Variants in SYT14 observed in about 807,000 individuals in gnomAD.
SYT14 encodes synaptotagmin 14.
In SYT14, 32 loss-of-function variants were observed where a neutral mutation model predicts 74.2. That is an observed-to-expected ratio of 0.43 (90% confidence interval 0.33 to 0.58). The LOEUF (loss-of-function observed/expected upper bound fraction) is 0.58, where lower values mean the gene tolerates loss of function less well. SYT14 is among the 20% of genes least tolerant of loss of function. The pLI is 0.05. For synonymous variants in SYT14, 298 were observed against 337.7 expected, an observed-to-expected ratio of 0.88 and a Z score of 1.29; for missense variants, 791 against 981.8, an observed-to-expected ratio of 0.81 and a Z score of 2.60.
At chr1:210,146,286 T>A (rs941408592) in intron 7 of SYT14, among the ~76,000 whole-genome samples, 1 of 152,030 alleles carries the variant, frequency 6.6e-6, no homozygotes, top group Non-Finnish European at 1.5e-5. Flanking sequence ...TGCAGTGAGA[T>A]CACGCCACTG....
At chr1:210,100,282 A>C in exon 7 of SYT14, 1 of 1,614,152 alleles carries the variant, frequency 6.2e-7, no homozygotes, top group African/African-American at 1.3e-5. Flanking sequence ...AGAAACATTT[A>C]AATTTAATCA....
intron 4 of SYT14, 116 bp from the exon 4 acceptor site, chr1:210,020,923 C>G: frequency 1.2e-6 from 1 of 819,564 alleles, no homozygotes; most frequent in African/African-American, 1.7e-5. Context: ...ATAACTTCAG[C>G]AAATTTTCTA....
In SYT14 at chr1:210,056,914, G is replaced by A. The variant is rs567127608; in HGVS notation, c.1312+35660G>A. On this transcript the variant is annotated intron_variant, in intron 5 of 9. Transcript: ENST00000637265. Reference sequence around the variant, plus strand: ...GCTGGAGTGTAGTAGCTGCAGTCTCGTCTCACTGCAACCTCCACCTCCCAG... The same window carrying A: ...GCTGGAGTGTAGTAGCTGCAGTCTCATCTCACTGCAACCTCCACCTCCCAG... Among the ~76,000 whole-genome samples the A allele has an allele frequency of 1.4e-3, 215 of 151,850 alleles. 1 individual carries two copies. The highest frequency in any genetic ancestry group is 4.8e-3 in the African/African-American group (198 of 41,406).
intron 7 of SYT14, among the ~76,000 whole-genome samples, chr1:210,139,537 G>A (rs1176008246): frequency 6.6e-6 from 1 of 151,878 alleles, no homozygotes; most frequent in African/African-American, 2.4e-5. Flanking sequence ...CTTTTATAGT[G>A]TAAAAGTCAT....
intron 7 of SYT14, among the ~76,000 whole-genome samples, chr1:210,108,004 A>G (rs1451769465): frequency 1.3e-5 from 2 of 152,220 alleles, no homozygotes; most frequent in Admixed American, 6.5e-5. Context: ...GAATAAGTAA[A>G]TAAGTTCCTT....
chr1:210,046,999 A>G (rs1307669026), intron 5 of SYT14, among the ~76,000 whole-genome samples: 1 of 152,172 alleles, frequency 6.6e-6, no homozygotes, highest in African/African-American at 2.4e-5. Flanking sequence ...GGACCCAGAA[A>G]TCAAACCAGT....
chr1:210,160,288 T>C (rs2083347049), intron 9 of SYT14, among the ~76,000 whole-genome samples: 1 of 152,154 alleles, frequency 6.6e-6, no homozygotes, highest in African/African-American at 2.4e-5. Flanking sequence ...TGTTTGTTTA[T>C]TCTTATTCTC....
intron 5 of SYT14, among the ~76,000 whole-genome samples, chr1:210,078,691 T>C (rs1303865161): frequency 2.6e-5 from 4 of 151,906 alleles, no homozygotes; most frequent in South Asian, 4.1e-4. Flanking sequence ...TCTAGAAATA[T>C]CAAGCATGTT....
chr1:210,144,577 A>G (rs2082991098), intron 7 of SYT14, among the ~76,000 whole-genome samples: 1 of 152,034 alleles, frequency 6.6e-6, no homozygotes, highest in South Asian at 2.1e-4. Flanking sequence ...TTAAAATTAT[A>G]TTTTTAAAAT....
chr1:210,143,834 T>C (rs2102679436), intron 7 of SYT14, among the ~76,000 whole-genome samples: 1 of 152,296 alleles, frequency 6.6e-6, no homozygotes, highest in South Asian at 2.1e-4. Flanking sequence ...AGAAAAGTGA[T>C]ATTTTACTAA....
At chr1:210,005,447 A>G (rs1420489920) in intron 2 of SYT14, among the ~76,000 whole-genome samples, 3 of 151,978 alleles carry the variant, frequency 2.0e-5, no homozygotes, top group Non-Finnish European at 2.9e-5. Flanking sequence ...TCTTACTCAT[A>G]GTAGCTCAGC....
chr1:209,964,882 G>T (rs1219581187), intron 2 of SYT14, among the ~76,000 whole-genome samples: 1 of 152,182 alleles, frequency 6.6e-6, no homozygotes, highest in African/African-American at 2.4e-5. Context: ...TATACAAACA[G>T]TCTAGGCACA....
At chr1:210,076,288 C>T (rs2081499316) in intron 5 of SYT14, among the ~76,000 whole-genome samples, 1 of 152,148 alleles carries the variant, frequency 6.6e-6, no homozygotes, top group Admixed American at 6.5e-5. Flanking sequence ...ATGGTGTATA[C>T]TCCTGAATGA....
chr1:209,948,749 TTATCTA>T (rs1227259735), intron 1 of SYT14, among the ~76,000 whole-genome samples: 1 of 152,194 alleles, frequency 6.6e-6, no homozygotes. Context: ...GCGTCTCCAT[TTATCTA>T]TAAAATTATG....
At chr1:210,157,473 C>T (rs2083291842) in intron 8 of SYT14, among the ~76,000 whole-genome samples, 1 of 147,704 alleles carries the variant, frequency 6.8e-6, no homozygotes, top group South Asian at 2.2e-4. Flanking sequence ...GGTGCAGTGG[C>T]TCACAAGGGC....
At chr1:209,975,432 G>T (rs1021330189) in intron 2 of SYT14, among the ~76,000 whole-genome samples, 2 of 152,096 alleles carry the variant, frequency 1.3e-5, no homozygotes, top group African/African-American at 4.8e-5. Flanking sequence ...GTTGAATTTT[G>T]TCAAAGGCCT....
intron 4 of SYT14, among the ~76,000 whole-genome samples, chr1:210,020,643 C>T (rs1190457034): frequency 2.0e-5 from 3 of 152,090 alleles, no homozygotes; most frequent in Non-Finnish European, 2.9e-5. Context: ...ACTGGCAATA[C>T]TTAGAACTTC....
At chr1:210,159,115 A>T (rs2083324802) in intron 8 of SYT14, among the ~76,000 whole-genome samples, 1 of 152,160 alleles carries the variant, frequency 6.6e-6, no homozygotes, top group South Asian at 2.1e-4. Context: ...TTATAGTCTG[A>T]TAATATGCAT....
intron 6 of SYT14, among the ~76,000 whole-genome samples, chr1:210,096,200 C>T (rs1167901181): frequency 1.3e-5 from 2 of 152,192 alleles, no homozygotes; most frequent in African/African-American, 4.8e-5. Flanking sequence ...CAACCCAGGT[C>T]TGTCTGACTG....
Sources: allele counts gnomAD v4.1 joint callset (sites outside exome capture counted in the v4.1 genomes callset), GRCh38; gene constraint gnomAD v4.1.1; transcripts MANE v1.5; gene names NCBI Gene and HGNC (gene_info 2026-07-23, HGNC 2026-07-21).